OR51B5: variants seen among roughly 807,000 people sequenced by gnomAD.
The protein encoded by OR51B5 is olfactory receptor 51B5.
For synonymous variants in OR51B5, 186 were observed against 144.8 expected (o/e 1.28, Z -2.04); for missense variants, 456 against 374.6 (o/e 1.22, Z -1.79).
At chr11:5,403,405 T>G in intron 1 of OR51B5, 1 of 471,416 alleles carries the variant, frequency 2.1e-6, no homozygotes, top group Non-Finnish European at 4.4e-6. Flanking sequence ...GGACATCGTG[T>G]GTCCCCTCTG....
At chr11:5,479,158 A>T (rs1336665999) in intron 1 of OR51B5, among the ~76,000 whole-genome samples, 1 of 148,538 alleles carries the variant, frequency 6.7e-6, no homozygotes, top group East Asian at 2.0e-4. Flanking sequence ...CTAACAGCGG[A>T]TCTCTCGGCA....
At chr11:5,468,553 A>T (rs1410049510) in intron 1 of OR51B5, 1 of 406,432 alleles carries the variant, frequency 2.5e-6, no homozygotes, top group Non-Finnish European at 5.0e-6. Flanking sequence ...GATGGAATAG[A>T]TAATTGGGTA....
At chr11:5,470,809 T>C (rs933307670) in intron 1 of OR51B5, among the ~76,000 whole-genome samples, 12 of 152,272 alleles carry the variant, frequency 7.9e-5, no homozygotes, top group Middle Eastern at 3.4e-3. Flanking sequence ...CTGTCACTCA[T>C]CCCTCAACAT....
chr11:5,425,097 A>AT (rs11429899), intron 1 of OR51B5, among the ~76,000 whole-genome samples: 74,928 of 149,954 alleles, frequency 0.5, 19,213 homozygotes, highest in Non-Finnish European at 0.55. Context: ...AAAAGTTAGC[A>AT]TTTTTTAATA....
intron 1 of OR51B5, among the ~76,000 whole-genome samples, chr11:5,354,279 GA>G (rs1385352664): frequency 6.6e-6 from 1 of 151,932 alleles, no homozygotes; most frequent in Non-Finnish European, 1.5e-5. Flanking sequence ...CCACATCAAA[GA>G]AAATCTTTCT....
intron 1 of OR51B5, among the ~76,000 whole-genome samples, chr11:5,385,064 A>G (rs942658321): frequency 6.6e-6 from 1 of 152,266 alleles, no homozygotes; most frequent in African/African-American, 2.4e-5. Flanking sequence ...CAGGTGAGGT[A>G]GAGAGCCAAT....
intron 1 of OR51B5, chr11:5,468,872 T>C (rs552954147): frequency 2.2e-5 from 9 of 413,588 alleles, no homozygotes; most frequent in South Asian, 7.2e-5. Flanking sequence ...CAGGTCTGCA[T>C]GCAGACAGTA....
rs573169389 is a variant in OR51B5 at position 5,379,286 on chromosome 11, G to GAA, written n.85-32378_85-32377dup. Among the ~76,000 whole-genome samples, 819 of 152,116 alleles carry GAA rather than the reference G, an allele frequency of 5.4e-3. 7 individuals carry two copies. Among genetic ancestry groups the GAA allele is most frequent in the African/African-American group, 0.019 (770 of 41,478 alleles). ...TGAGAACACATGGACACAGGAAGGG[G>GAA]AACATCACACTCTGGGGACTGTTGT... is the stretch of plus-strand genomic sequence containing the variant. On this transcript the variant is annotated intron_variant and non_coding_transcript_variant, in intron 1 of 4. Coordinates refer to the OR51B5 transcript ENST00000415970.
intron 1 of OR51B5, among the ~76,000 whole-genome samples, chr11:5,415,995 A>T (rs1384059417): frequency 2.5e-5 from 2 of 79,556 alleles, no homozygotes; most frequent in Non-Finnish European, 6.0e-5. Context: ...TTAGACCAAT[A>T]TCCTTGATGA....
intron 1 of OR51B5, among the ~76,000 whole-genome samples, chr11:5,424,310 A>G (rs1490709683): frequency 6.6e-6 from 1 of 152,208 alleles, no homozygotes; most frequent in Non-Finnish European, 1.5e-5. Context: ...GGAAAATGAA[A>G]GTTATTCGGG....
intron 1 of OR51B5, among the ~76,000 whole-genome samples, chr11:5,459,373 A>AT (rs1248821348): frequency 1.3e-5 from 2 of 151,806 alleles, no homozygotes; most frequent in Admixed American, 6.6e-5. Context: ...TTTGTTGAGG[A>AT]TTTTTTTCAT....
At chr11:5,363,978 G>A (rs1487365599) in intron 1 of OR51B5, among the ~76,000 whole-genome samples, 1 of 152,164 alleles carries the variant, frequency 6.6e-6, no homozygotes, top group Non-Finnish European at 1.5e-5. Flanking sequence ...ATGGAAGAAT[G>A]CCTGGGCTGG....
chr11:5,348,107 G>C (rs1326205999), upstream of OR51B5, among the ~76,000 whole-genome samples: 1 of 152,112 alleles, frequency 6.6e-6, no homozygotes, highest in Non-Finnish European at 1.5e-5. Context: ...TAATAGTGTT[G>C]TCTGCTAAGA....
chr11:5,495,466 G>A (rs1318827831), intron 1 of OR51B5, among the ~76,000 whole-genome samples: 1 of 152,012 alleles, frequency 6.6e-6, no homozygotes, highest in Non-Finnish European at 1.5e-5. Context: ...AAATGTGTAG[G>A]TGAGGAGAAG....
At chr11:5,357,887 GA>G (rs1345898662) in intron 1 of OR51B5, among the ~76,000 whole-genome samples, 1 of 152,008 alleles carries the variant, frequency 6.6e-6, no homozygotes, top group Non-Finnish European at 1.5e-5. Context: ...GCTCCTGAAT[GA>G]CTACTGGGTT....
chr11:5,425,624 G>A (rs1850436845), intron 1 of OR51B5, among the ~76,000 whole-genome samples: 1 of 152,116 alleles, frequency 6.6e-6, no homozygotes, highest in South Asian at 2.1e-4. Flanking sequence ...ATTGGGAAAT[G>A]TGTCTGCAAA....
chr11:5,480,367 G>T (rs1214545308), intron 1 of OR51B5, among the ~76,000 whole-genome samples: 2 of 151,942 alleles, frequency 1.3e-5, no homozygotes, highest in Admixed American at 1.3e-4. Context: ...AGTGTGTAGA[G>T]GGAAACTTAT....
At chr11:5,495,387 A>G (rs1851633932) in intron 1 of OR51B5, among the ~76,000 whole-genome samples, 1 of 152,226 alleles carries the variant, frequency 6.6e-6, no homozygotes, top group African/African-American at 2.4e-5. Context: ...AATTTTAAAA[A>G]TATCTATATG....
intron 1 of OR51B5, among the ~76,000 whole-genome samples, chr11:5,413,196 C>A (rs191116141): frequency 0.012 from 1,834 of 152,274 alleles, 33 homozygotes; most frequent in African/African-American, 0.042. Context: ...GGACCTCAAG[C>A]AAACTCCAAC....
Sources: gnomAD v4.1 joint callset for allele counts (sites outside exome capture counted in the v4.1 genomes callset) on GRCh38, gnomAD v4.1.1 for gene constraint, MANE v1.5 for transcripts, NCBI Gene and HGNC (gene_info 2026-07-23, HGNC 2026-07-21) for gene names.